USP31: variants seen among roughly 807,000 people sequenced by gnomAD.
USP31 encodes the protein ubiquitin specific peptidase 31.
Under a neutral mutation model 119.4 loss-of-function variants are expected in USP31, and 44 were observed. The ratio of observed to expected loss-of-function variants is 0.37; its 90% CI spans 0.29 to 0.47. The LOEUF is 0.47. USP31 is among the 20% of genes least tolerant of loss of function. USP31 has a pLI of 0.99. For synonymous variants in USP31, 749 were observed against 705.6 expected (o/e 1.06, Z -0.97); for missense variants, 1,643 against 1,730.2 (o/e 0.95, Z 0.89).
At chr16:23,139,423 A>C (rs1903287127) in intron 1 of USP31, among the ~76,000 whole-genome samples, 1 of 152,230 alleles carries the variant, frequency 6.6e-6, no homozygotes. Context: ...AATAAAAAAT[A>C]AAGTAAAATA....
intron 1 of USP31, among the ~76,000 whole-genome samples, chr16:23,139,275 A>C (rs1903282332): frequency 6.6e-6 from 1 of 152,118 alleles, no homozygotes; most frequent in Non-Finnish European, 1.5e-5. Flanking sequence ...AGTGATGCCC[A>C]CCTGTAATCC....
chr16:23,085,417 T>C (rs1264303042), intron 10 of USP31, among the ~76,000 whole-genome samples, 168 bp downstream of exon 10: 1 of 152,112 alleles, frequency 6.6e-6, no homozygotes, highest in Non-Finnish European at 1.5e-5. Flanking sequence ...AGAGAATGTA[T>C]AGGAAAGGAA....
In USP31 at chr16:23,065,054, C is replaced by A. The variant is rs561599573; in HGVS notation, c.*2992G>T. On this transcript the variant is annotated 3_prime_UTR_variant, in exon 16 of 16. Transcript: ENST00000219689. ...GTTTCCACATTATCTAAGGGATTACCAAGGCAAGATGTAGGGCTGTCTTAA... is the reference window on the plus strand; with the variant it reads ...GTTTCCACATTATCTAAGGGATTACAAAGGCAAGATGTAGGGCTGTCTTAA... 1 of 152,024 alleles carries A rather than the reference C, an allele frequency of 6.6e-6. No individual in the cohort carries two copies. Among genetic ancestry groups the A allele is most frequent in the Non-Finnish European group, 1.5e-5 (1 of 68,022 alleles). The allele number at this position is 152,024 out of a possible 1,614,324, so 9.4% of individuals were successfully genotyped here. A position where few individuals can be genotyped will look rare whatever the true frequency, so the allele number is the denominator to read the frequency against.
intron 15 of USP31, among the ~76,000 whole-genome samples, chr16:23,071,785 CA>C (rs1464322681): frequency 1.3e-5 from 2 of 152,032 alleles, no homozygotes; most frequent in African/African-American, 4.8e-5. Flanking sequence ...TATAAAGCTC[CA>C]GCCTCCACAA....
intron 1 of USP31, among the ~76,000 whole-genome samples, chr16:23,127,551 C>T (rs1316993721): frequency 6.6e-6 from 1 of 152,054 alleles, no homozygotes; most frequent in African/African-American, 2.4e-5. Context: ...CAACCTCTGC[C>T]GCCTGGGTTC....
At position 23,149,398 on chromosome 16, in the gene USP31, G is replaced by C. The variant is rs1596745311; in HGVS notation, c.-128C>G. 2.1e-6 allele frequency: 2 copies of C among 967,182 alleles called. No individual in the cohort carries two copies. The highest frequency in any genetic ancestry group is 1.2e-6 in the Non-Finnish European group (1 of 814,844). The allele number at this position is 967,182 out of a possible 1,614,324, so 59.9% of individuals were successfully genotyped here. A position where few individuals can be genotyped will look rare whatever the true frequency, so the allele number is the denominator to read the frequency against. On this transcript the variant is annotated 5_prime_UTR_variant, in exon 1 of 16. Coordinates refer to ENST00000219689, the MANE Select transcript of USP31 (RefSeq NM_020718.4). ...GGCTCGACGCCCCACACACCTCAAA[G>C]CGCAGCCGAGCCAGCGAGCGAGCGG...
At position 23,084,927 on chromosome 16, in the gene USP31, T is replaced by C; in HGVS notation, c.1763A>G (p.Glu588Gly). 1 of 1,614,062 alleles carries C rather than the reference T, an allele frequency of 6.2e-7. No homozygotes were observed. The highest frequency in any genetic ancestry group is 1.1e-5 in the South Asian group (1 of 91,070). ...PDAESVRLQR[E>G]RHHQPQTCTL... ...GCAGGTTTGAGGCTGATGATGACGC[T>C]CCCTTTGCAGACGAACACTTTCTGC... The change falls in exon 11 of 16, where the codon GAG (glutamate) becomes GGG (glycine). Residue 588 changes from glutamate (E) to glycine (G), a missense_variant. Glu to Gly is a moderately conservative substitution (Grantham distance 98). This residue lies in a region of USP31 where 279 missense variants were observed against 372.2 expected (regional missense o/e 0.75). Transcript: ENST00000219689.
At position 23,149,284 on chromosome 16, in the gene USP31, G is replaced by A. The variant is rs1596745154; in HGVS notation, c.-14C>T. 1 of 1,067,982 alleles carries A rather than the reference G, an allele frequency of 9.4e-7. No homozygotes were observed. Among genetic ancestry groups the A allele is most frequent in the Non-Finnish European group, 1.1e-6 (1 of 884,450 alleles). The allele number at this position is 1,067,982 out of a possible 1,614,324, so 66.2% of individuals were successfully genotyped here. A position where few individuals can be genotyped will look rare whatever the true frequency, so the allele number is the denominator to read the frequency against. On this transcript the variant is annotated 5_prime_UTR_variant, in exon 1 of 16. Coordinates refer to ENST00000219689, the MANE Select transcript of USP31 (RefSeq NM_020718.4). The stretch of plus-strand genomic sequence containing the variant: ...TACCTTGGACATGGCGGCGGCCGCA[G>A]ACACTCATCACCGCGCCCGCCCGCC...
chr16:23,131,079 G>A (rs1169424355), intron 1 of USP31, among the ~76,000 whole-genome samples: 2 of 152,174 alleles, frequency 1.3e-5, no homozygotes, highest in Non-Finnish European at 2.9e-5. Flanking sequence ...GAAGGCCAAG[G>A]TGTGAGGATC....
At chr16:23,147,948 TA>T (rs1400365484) in intron 1 of USP31, among the ~76,000 whole-genome samples, 1 of 152,042 alleles carries the variant, frequency 6.6e-6, no homozygotes, top group Admixed American at 6.6e-5. Context: ...AAAATAAAAA[TA>T]AAAAGTAGCC....
In USP31 at chr16:23,067,570, T is replaced by C. The variant is rs1050556312; in HGVS notation, c.*476A>G. On this transcript the variant is annotated 3_prime_UTR_variant, in exon 16 of 16. Coordinates refer to ENST00000219689, the MANE Select transcript of USP31 (RefSeq NM_020718.4). ...AGAGTTTTTCCCTCGATTTGTTTCG[T>C]TGTTAGAGTCACAGTTTTTAGAGCT... 6.5e-6 allele frequency: 1 copy of C among 154,488 alleles called. No individual in the cohort carries two copies. The highest frequency in any genetic ancestry group is 2.4e-5 in the African/African-American group (1 of 41,462). 9.6% of individuals were successfully genotyped at this position (154,488 alleles called of 1,614,324 possible).
intron 6 of USP31, among the ~76,000 whole-genome samples, chr16:23,095,676 A>C (rs928704910): frequency 6.6e-6 from 1 of 152,252 alleles, no homozygotes; most frequent in Non-Finnish European, 1.5e-5. Context: ...AAGCCAGAAG[A>C]GAATGGGGCC....
intron 6 of USP31, among the ~76,000 whole-genome samples, chr16:23,094,057 G>C (rs1251272548): frequency 2.0e-5 from 3 of 152,140 alleles, no homozygotes; most frequent in African/African-American, 7.2e-5. Context: ...CCTCACCCGG[G>C]AAGCTCAAGG....
chr16:23,147,730 C>A (rs1382271553), intron 1 of USP31, among the ~76,000 whole-genome samples: 1 of 152,134 alleles, frequency 6.6e-6, no homozygotes, highest in Non-Finnish European at 1.5e-5. Context: ...GAGTTCAAGA[C>A]CAGTCTGGGC....
intron 1 of USP31, among the ~76,000 whole-genome samples, chr16:23,117,751 C>CTT (rs67615111): frequency 1.2e-4 from 17 of 141,584 alleles, no homozygotes; most frequent in South Asian, 4.5e-4. Context: ...TTTTCCTTTT[C>CTT]TTTTTTTTTT....
chr16:23,126,164 A>G (rs1902846060), intron 1 of USP31, among the ~76,000 whole-genome samples: 1 of 151,836 alleles, frequency 6.6e-6, no homozygotes, highest in Non-Finnish European at 1.5e-5. Context: ...AGAAAAAAAA[A>G]AAGTTTTAAT....
rs1899833226 is a variant in USP31, at chr16:23,061,586, TAACAG to T, written c.*6455_*6459del. 1 of 152,608 alleles carries T rather than the reference TAACAG, an allele frequency of 6.6e-6. No individual in the cohort carries two copies. Among genetic ancestry groups the T allele is most frequent in the South Asian group, 2.1e-4 (1 of 4,828 alleles). 9.5% of individuals were successfully genotyped at this position (152,608 alleles called of 1,614,324 possible). A position where few individuals can be genotyped will look rare whatever the true frequency, so the allele number is the denominator to read the frequency against. Reference sequence around the variant, plus strand: ...TTGAATAATAAAACATACAAATAAATAACAGAAATCAGTGACACATCTCATGCACT... The same window carrying T: ...TTGAATAATAAAACATACAAATAAATAAATCAGTGACACATCTCATGCACT... On this transcript the variant is annotated 3_prime_UTR_variant, in exon 16 of 16. Transcript: ENST00000219689.
chr16:23,130,414 C>T (rs909735043), intron 1 of USP31, among the ~76,000 whole-genome samples: 1 of 151,542 alleles, frequency 6.6e-6, no homozygotes. Context: ...AGTGACACCC[C>T]CCCCCCAACT....
At position 23,149,009 on chromosome 16, in the gene USP31, C is replaced by T. The variant is rs1337408591; in HGVS notation, c.262G>A (p.Gly88Ser). The T allele has an allele frequency of 2.7e-5, 30 of 1,116,264 alleles. No homozygotes were observed. Among genetic ancestry groups the T allele is most frequent in the Non-Finnish European group, 3.2e-5 (29 of 899,682 alleles). 69.1% of individuals were successfully genotyped at this position (1,116,264 alleles called of 1,614,324 possible). A position where few individuals can be genotyped will look rare whatever the true frequency, so the allele number is the denominator to read the frequency against. ...GGCGGGAAGCAGCTGCGGAGGCCGC[C>T]GCGGTCTGGGGCGGCGCCCTCAGAG... Reference protein sequence around the residue: ...LSSEGAAPDRGGLRSCFPPGP... With the variant: ...LSSEGAAPDRSGLRSCFPPGP... Residue 88 changes from glycine to serine, a missense_variant, in exon 1 of 16, where the codon GGC (glycine) becomes AGC (serine). Around this residue, in one of 5 missense-constraint regions of USP31, gnomAD observed 302 missense variants for 262.6 expected, o/e 1.15. Transcript: ENST00000219689.
Sources: allele counts gnomAD v4.1 joint callset (sites outside exome capture counted in the v4.1 genomes callset), GRCh38; gene constraint gnomAD v4.1.1; regional missense constraint gnomAD v4.1.1; transcripts MANE v1.5; gene names NCBI Gene and HGNC (gene_info 2026-07-23, HGNC 2026-07-21).